ANK2: variants seen among roughly 807,000 people sequenced by gnomAD.
The protein encoded by ANK2 is ankyrin 2.
ANK2 carries 83 observed loss-of-function variants against 360.5 expected under a neutral mutation model. That is an observed-to-expected ratio of 0.23 (90% CI 0.19 to 0.28). The LOEUF (loss-of-function observed/expected upper bound fraction) is 0.28, where lower values mean the gene tolerates loss of function less well. Ranked by LOEUF, ANK2 falls within the 10% of genes least tolerant of loss-of-function variation. ANK2 has a pLI of 1.00. For missense variants in ANK2, 4,201 were observed against 4,795.7 expected (o/e 0.88, Z 3.66); for synonymous variants, 1,740 against 1,759.5 (o/e 0.99, Z 0.28).
At position 113,090,824 on chromosome 4, in the gene ANK2, A is replaced by G. The variant is rs77815020; in HGVS notation, c.84+41012A>G. Among the ~76,000 whole-genome samples, 1,474 of 152,332 alleles carry G rather than the reference A, an allele frequency of 9.7e-3. 42 individuals carry two copies. In the East Asian group the frequency reaches 0.1, roughly 11 times the overall value. ...GAATAGAAGTTACCCTCGTTAGACG[A>G]GGCACATGCAACCTGGTTACCATTA... On this transcript the variant is annotated intron_variant, in intron 1 of 45. Coordinates refer to ENST00000357077, the MANE Select transcript of ANK2 (RefSeq NM_001148.6).
chr4:113,374,993 G>C, intron 45 of ANK2: 4 of 996,330 alleles, frequency 4.0e-6, no homozygotes, highest in Non-Finnish European at 4.9e-6. Flanking sequence ...GTTTTATGTT[G>C]CTTTGCATTT....
intron 1 of ANK2, among the ~76,000 whole-genome samples, chr4:112,829,655 G>T (rs1309326710): frequency 1.3e-5 from 2 of 151,912 alleles, no homozygotes; most frequent in East Asian, 3.9e-4. Context: ...AGTTAGAAGG[G>T]CTATTATTAA....
chr4:113,306,841 T>C (rs1377252718), intron 23 of ANK2, among the ~76,000 whole-genome samples: 1 of 152,220 alleles, frequency 6.6e-6, no homozygotes, highest in South Asian at 2.1e-4. Context: ...ACAGCCATGA[T>C]ATAAATAACA....
intron 1 of ANK2, among the ~76,000 whole-genome samples, chr4:112,833,254 C>T (rs1010944829): frequency 1.3e-5 from 2 of 152,202 alleles, no homozygotes; most frequent in Non-Finnish European, 2.9e-5. Context: ...AAATAATACG[C>T]TGAAATGCCA....
Position 113,381,714 on chromosome 4 carries a change from A to T in ANK2, c.*243A>T, listed in dbSNP as rs186133938. 319 of 1,472,162 alleles carry T rather than the reference A, an allele frequency of 2.2e-4. 1 individual carries two copies. The highest frequency in any genetic ancestry group is 1.5e-4 in the Non-Finnish European group (166 of 1,093,626). The allele number at this position is 1,472,162 out of a possible 1,614,324, so 91.2% of individuals were successfully genotyped here. Reference sequence around the variant, plus strand: ...AGCTTCCTGTTTCAGTAGGGGAGTGACCTAACTGGCCTAATTAATGGGATA... The same window carrying T: ...AGCTTCCTGTTTCAGTAGGGGAGTGTCCTAACTGGCCTAATTAATGGGATA... On this transcript the variant is annotated 3_prime_UTR_variant, in exon 46 of 46. Transcript: ENST00000357077.
At chr4:112,820,265 T>A (rs2149511245) in intron 1 of ANK2, among the ~76,000 whole-genome samples, 1 of 152,366 alleles carries the variant, frequency 6.6e-6, no homozygotes, top group Non-Finnish European at 1.5e-5. Context: ...TTCAGATTTC[T>A]GCTTTTCAGG....
At chr4:113,203,301 A>C (rs528746877) in intron 4 of ANK2, among the ~76,000 whole-genome samples, 1 of 152,302 alleles carries the variant, frequency 6.6e-6, no homozygotes, top group Admixed American at 6.5e-5. Flanking sequence ...TTCAAATTTC[A>C]AATTCTATAT....
At chr4:112,851,741 A>T (rs1313029830) in intron 1 of ANK2, among the ~76,000 whole-genome samples, 1 of 151,644 alleles carries the variant, frequency 6.6e-6, no homozygotes, top group Non-Finnish European at 1.5e-5. Context: ...CTCCTGCCTC[A>T]GCCTCCCGAG....
At chr4:112,848,400 G>A (rs751961006) in intron 1 of ANK2, among the ~76,000 whole-genome samples, 13 of 152,198 alleles carry the variant, frequency 8.5e-5, no homozygotes, top group Non-Finnish European at 1.9e-4. Context: ...GACCTCAGGT[G>A]ATCCACCTGC....
Position 113,358,198 on chromosome 4 carries a change from C to T in ANK2, c.9580C>T (p.Pro3194Ser). The T allele has an allele frequency of 6.2e-7, 1 of 1,614,078 alleles. No individual in the cohort carries two copies. The change falls in exon 38 of 46, where the codon CCT (proline) becomes TCT (serine). Residue 3194 changes from proline to serine, a missense_variant. By Grantham distance (74) the Pro-to-Ser change is moderately conservative (BLOSUM62 -1). Coordinates refer to ENST00000357077, the MANE Select transcript of ANK2 (RefSeq NM_001148.6). ...CGTGAGTGAGGAAGTAGAGGAAATA[C>T]CTGCTTCGGATGCTCAACTTAACTC... ...DDVSEEVEEI[P>S]ASDAQLNSQM...
rs759507727 is a variant in ANK2 at position 113,360,871 on chromosome 4, C to T, written c.10730C>T (p.Ala3577Val). 1.9e-6 allele frequency: 3 copies of T among 1,612,778 alleles called. No individual in the cohort carries two copies. The highest frequency in any genetic ancestry group is 1.7e-6 in the Non-Finnish European group (2 of 1,179,304). ...ERIEERLAYI[A>V]DHLGFSWTEL... is the part of the protein sequence containing the mutation. Reference sequence around the variant, plus strand: ...ATCGAGGAAAGGCTGGCTTATATTGCTGATCACCTTGGCTTCAGCTGGACA... The same window carrying T: ...ATCGAGGAAAGGCTGGCTTATATTGTTGATCACCTTGGCTTCAGCTGGACA... Residue 3577 changes from alanine (A) to valine (V), a missense_variant, in exon 39 of 46, where the codon GCT (alanine) becomes GTT (valine). Transcript: ENST00000357077.
chr4:113,031,618 A>G (rs1215080312), intron 2 of ANK2: 1 of 106,704 alleles, frequency 9.4e-6, no homozygotes, highest in Admixed American at 1.4e-4. Context: ...ACTTAGTGTT[A>G]TCACTGATGA....
At chr4:113,020,922 A>C (rs2057914370) in intron 2 of ANK2, among the ~76,000 whole-genome samples, 2 of 152,232 alleles carry the variant, frequency 1.3e-5, no homozygotes, top group African/African-American at 2.4e-5. Context: ...ATAAGGATAT[A>C]AAATCAGGGT....
intron 2 of ANK2, among the ~76,000 whole-genome samples, chr4:113,002,709 T>C (rs2051246967): frequency 6.6e-6 from 1 of 152,190 alleles, no homozygotes; most frequent in Non-Finnish European, 1.5e-5. Context: ...ATTTTGGACT[T>C]TCTCTGTTAA....
intron 1 of ANK2, among the ~76,000 whole-genome samples, chr4:112,877,650 G>T (rs2075503962): frequency 6.6e-6 from 1 of 152,114 alleles, no homozygotes; most frequent in South Asian, 2.1e-4. Context: ...TTTCAAGATG[G>T]CAACCTCAGA....
chr4:112,919,688 G>A (rs921532987), intron 2 of ANK2, among the ~76,000 whole-genome samples: 3 of 151,998 alleles, frequency 2.0e-5, no homozygotes, highest in African/African-American at 7.2e-5. Context: ...TCAAACTCCT[G>A]TCATAGAAAA....
the ANK2 span, among the ~76,000 whole-genome samples, chr4:112,727,438 C>T: frequency 1.3e-5 from 2 of 151,246 alleles, no homozygotes; most frequent in Non-Finnish European, 3.0e-5. Context: ...ACAAATTAAG[C>T]CCAAAGTTAG....
the ANK2 span, among the ~76,000 whole-genome samples, chr4:112,758,472 T>G: frequency 6.6e-6 from 1 of 151,836 alleles, no homozygotes; most frequent in Non-Finnish European, 1.5e-5. Context: ...GTGCAGCGGC[T>G]CAATTTCGGC....
intron 1 of ANK2, among the ~76,000 whole-genome samples, chr4:113,139,192 A>G (rs1582796508): frequency 6.6e-6 from 1 of 152,204 alleles, no homozygotes; most frequent in African/African-American, 2.4e-5. Flanking sequence ...TCTCCAGCCT[A>G]CCATGAACAG....
Sources: allele counts gnomAD v4.1 joint callset (sites outside exome capture counted in the v4.1 genomes callset), GRCh38; gene constraint gnomAD v4.1.1; transcripts MANE v1.5; gene names NCBI Gene and HGNC (gene_info 2026-07-23, HGNC 2026-07-21).